Variants in SRRT observed in about 807,000 individuals in gnomAD.
SRRT encodes serrate RNA effector molecule homolog.
A neutral mutation model predicts 103.2 loss-of-function variants in SRRT; 32 were observed. The ratio of observed to expected loss-of-function variants is 0.31; its 90% CI spans 0.23 to 0.42. The LOEUF (loss-of-function observed/expected upper bound fraction) is 0.42. Among genes scored for constraint, SRRT ranks in the 10% least tolerant of loss-of-function variants. The pLI is 1.00. For missense variants in SRRT, 986 were observed against 1,207.5 expected (o/e 0.82, Z 2.72); for synonymous variants, 525 against 449.0 (o/e 1.17, Z -2.14).
intron 2 of SRRT, chr7:100,880,787 A>G: frequency 2.7e-6 from 1 of 363,894 alleles, no homozygotes. Context: ...GGCCTGTAGC[A>G]GGGGTGATTC....
chr7:100,884,566 G>C lies in SRRT; in HGVS notation c.942+14G>C, dbSNP rs765811537. 12 of 1,452,824 alleles carry C rather than the reference G, an allele frequency of 8.3e-6. No individual in the cohort carries two copies. In the East Asian group the frequency reaches 1.3e-4, roughly 16 times the overall value. The allele number at this position is 1,452,824 out of a possible 1,614,324, so 90.0% of individuals were successfully genotyped here. A position where few individuals can be genotyped will look rare whatever the true frequency, so the allele number is the denominator to read the frequency against. On this transcript the variant is annotated intron_variant, in intron 7 of 19. Coordinates refer to ENST00000611405, the MANE Select transcript of SRRT (RefSeq NM_015908.6). ...GACGGCAAGCAGGTCCGAGCCCTGG[G>C]TCTCCTAGTGTTGTCCCTGGCAGCC...
chr7:100,886,156 G>A, intron 12 of SRRT, 91 bp from the exon 13 acceptor site: 1 of 1,442,322 alleles, frequency 6.9e-7, no homozygotes, highest in Non-Finnish European at 9.4e-7. Context: ...CTGATCAATC[G>A]CTGGTGCTCA....
chr7:100,875,316 C>A lies in SRRT; in HGVS notation c.-31C>A, dbSNP rs570420687. On this transcript the variant is annotated 5_prime_UTR_variant, in exon 1 of 20. Coordinates refer to ENST00000611405, the MANE Select transcript of SRRT (RefSeq NM_015908.6). ...CGTCCGAGCGCGAGTCCAACGGCCG[C>A]GGCCGCACCAAGGTGGGGGAGGGGA... 5.2e-6 allele frequency: 6 copies of A among 1,145,498 alleles called. No homozygotes were observed. The highest frequency in any genetic ancestry group is 4.4e-6 in the Non-Finnish European group (4 of 901,484). The allele number at this position is 1,145,498 out of a possible 1,614,324, so 71.0% of individuals were successfully genotyped here. A position where few individuals can be genotyped will look rare whatever the true frequency, so the allele number is the denominator to read the frequency against.
Position 100,881,319 on chromosome 7 carries a change from G to A in SRRT, c.157G>A (p.Gly53Ser), listed in dbSNP as rs758048109. 2 of 1,613,486 alleles carry A rather than the reference G, an allele frequency of 1.2e-6. No homozygotes were observed. The highest frequency in any genetic ancestry group is 1.7e-6 in the Non-Finnish European group (2 of 1,179,760). ...CCGTGGCCGTGAGCGCCGTAGTCGG[G>A]GTGAATATCGGGACTATGACCGGAA... ...WDRGRERRSR[G>S]EYRDYDRNRR... is the part of the protein sequence containing the mutation. Residue 53 changes from glycine to serine, a missense_variant, in exon 3 of 20, where the codon GGT becomes AGT. Gly to Ser is a moderately conservative substitution (Grantham distance 56). Transcript: ENST00000611405.
rs775693046 is a variant in SRRT at position 100,886,418 on chromosome 7, A to G, written c.1630A>G (p.Thr544Ala). 6.8e-6 allele frequency: 11 copies of G among 1,612,552 alleles called. No individual in the cohort carries two copies. The highest frequency in any genetic ancestry group is 8.5e-7 in the Non-Finnish European group (1 of 1,179,776). ...RTQLWASEPG[T>A]PPLPTSLPSQ... ...ACAGCTTTGGGCCTCAGAACCAGGG[A>G]CGCCTCCCCTGCCCACGGTCAGTGA... is the stretch of plus-strand genomic sequence containing the variant. Residue 544 changes from threonine to alanine, a missense_variant, in exon 13 of 20, where the codon ACG becomes GCG. Thr to Ala is a moderately conservative substitution (Grantham distance 58). This residue lies in a region of SRRT where 349 missense variants were observed against 446.9 expected (regional missense o/e 0.78). Coordinates refer to ENST00000611405, the MANE Select transcript of SRRT (RefSeq NM_015908.6).
At position 100,881,588 on chromosome 7, in the gene SRRT, G is replaced by A. The variant is rs568379381; in HGVS notation, c.252-71G>A. 7.9e-5 allele frequency: 126 copies of A among 1,601,828 alleles called. 2 individuals are homozygous for A. The highest frequency in any genetic ancestry group is 7.5e-4 in the African/African-American group (56 of 74,726). Reference sequence around the variant, plus strand: ...GGGAGACCATGCTGTGTGTACCCCCGTCTGTCCATCCTCCATGCTCTGGGG... The same window carrying A: ...GGGAGACCATGCTGTGTGTACCCCCATCTGTCCATCCTCCATGCTCTGGGG... On this transcript the variant is annotated intron_variant, in intron 3 of 19. Coordinates refer to ENST00000611405, the MANE Select transcript of SRRT (RefSeq NM_015908.6).
intron 2 of SRRT, among the ~76,000 whole-genome samples, chr7:100,878,854 A>G (rs1489664861): frequency 6.6e-6 from 1 of 152,190 alleles, no homozygotes; most frequent in Non-Finnish European, 1.5e-5. Flanking sequence ...GGTGTATGCC[A>G]TCACACCCAG....
At position 100,878,449 on chromosome 7, in the gene SRRT, C is replaced by A. The variant is rs113619448; in HGVS notation, c.122+2737C>A. On this transcript the variant is annotated intron_variant, in intron 2 of 19. Transcript: ENST00000611405. ...TTTTGATATTGGGTGAGACATAATC[C>A]AGGTCCATTGAAAGGGAAAGATAGA... Among the ~76,000 whole-genome samples the A allele has an allele frequency of 1.7e-3, 257 of 152,188 alleles. 1 individual carries two copies. Among genetic ancestry groups the A allele is most frequent in the African/African-American group, 6.0e-3 (249 of 41,532 alleles).
At position 100,884,790 on chromosome 7, in the gene SRRT, T is replaced by C. The variant is rs752948333; in HGVS notation, c.993T>C (p.Asp331=). The C allele has an allele frequency of 1.2e-6, 2 of 1,613,362 alleles. No individual in the cohort carries two copies. The highest frequency in any genetic ancestry group is 1.7e-5 in the Admixed American group (1 of 59,956). ...ACAAAACAAAGAAGTCGGAGGGTGATGGGGACAAGGAAGAGAAGAAAGAAG... is the reference window on the plus strand; with the variant it reads ...ACAAAACAAAGAAGTCGGAGGGTGACGGGGACAAGGAAGAGAAGAAAGAAG... The part of the protein sequence containing the change: ...NDDKTKKSEG[D]GDKEEKKEDS... Residue 331 remains aspartate (D), a synonymous_variant, in exon 8 of 20, where the codon GAT becomes GAC. Coordinates refer to ENST00000611405, the MANE Select transcript of SRRT (RefSeq NM_015908.6).
Position 100,885,754 on chromosome 7 carries a change from A to G in SRRT, c.1371A>G (p.Pro457=). 6.2e-7 allele frequency: 1 copy of G among 1,614,176 alleles called. No individual in the cohort carries two copies. Among genetic ancestry groups the G allele is most frequent in the South Asian group, 1.1e-5 (1 of 91,076 alleles). Residue 457 remains proline (P), a synonymous_variant, in exon 11 of 20, where the codon CCA becomes CCG. Transcript: ENST00000611405. This position sits in a 1 kb window ranked among gnomAD's most constrained non-coding sequence, Gnocchi z 4.8. ...FMRVALSEPQ[P]ERRFFRRGWV... ...GGGTGGCGCTCTCAGAGCCCCAGCCAGAGAGGAGGTGAGTAACTCGGTGCG... is the reference window on the plus strand; with the variant it reads ...GGGTGGCGCTCTCAGAGCCCCAGCCGGAGAGGAGGTGAGTAACTCGGTGCG...
chr7:100,878,218 G>A (rs935472637), intron 2 of SRRT, among the ~76,000 whole-genome samples: 3 of 152,044 alleles, frequency 2.0e-5, no homozygotes, highest in Admixed American at 1.3e-4. Context: ...AGGCTGAGGC[G>A]GGAGGATGGC....
At chr7:100,886,660 A>G in intron 13 of SRRT, 135 bp from the exon 14 acceptor site, 2 of 1,100,226 alleles carry the variant, frequency 1.8e-6, no homozygotes, top group South Asian at 1.4e-5. Flanking sequence ...ATAAAGACAA[A>G]TCTCAAGGGG....
In SRRT at chr7:100,888,315, T is replaced by C. The variant is rs748979312; in HGVS notation, c.2487T>C (p.Tyr829=). The change falls in exon 19 of 20, where the codon TAT becomes TAC. Residue 829 remains tyrosine, a synonymous_variant. Coordinates refer to ENST00000611405, the MANE Select transcript of SRRT (RefSeq NM_015908.6). ...TGGPPYPHAP[Y]GAGRGNYDAF... ...GCCCTCCATACCCCCATGCCCCGTATGGTGCTGGTCGAGGGAACTATGATG... is the reference window on the plus strand; with the variant it reads ...GCCCTCCATACCCCCATGCCCCGTACGGTGCTGGTCGAGGGAACTATGATG... 1 of 1,614,110 alleles carries C rather than the reference T, an allele frequency of 6.2e-7. No individual in the cohort carries two copies. Among genetic ancestry groups the C allele is most frequent in the Non-Finnish European group, 8.5e-7 (1 of 1,179,976 alleles).
In SRRT at chr7:100,884,459, C is replaced by T. The variant is rs761757230; in HGVS notation, c.849C>T (p.Pro283=). ...AGCAGGCAGGAAAGCCTGGGGAGCCCAGCAAGAAAGAAGAAGGACGGGCTG... is the reference window on the plus strand; with the variant it reads ...AGCAGGCAGGAAAGCCTGGGGAGCCTAGCAAGAAAGAAGAAGGACGGGCTG... ...EEEQAGKPGE[P]SKKEEGRAGA... Residue 283 remains proline, a synonymous_variant, in exon 7 of 20, where the codon CCC becomes CCT. Coordinates refer to ENST00000611405, the MANE Select transcript of SRRT (RefSeq NM_015908.6). 1.9e-6 allele frequency: 3 copies of T among 1,613,830 alleles called. No homozygotes were observed. In the South Asian group the frequency reaches 3.3e-5, roughly 18 times the overall value.
intron 2 of SRRT, chr7:100,880,679 T>G (rs971937777): frequency 5.9e-5 from 25 of 424,216 alleles, no homozygotes; most frequent in Middle Eastern, 3.4e-4. Flanking sequence ...TTAAAAAGTT[T>G]TCTGTTTTAT....
rs757581171 is a variant in SRRT, at chr7:100,887,676, C to G, written c.2170-27C>G. On this transcript the variant is annotated intron_variant, in intron 16 of 19. Transcript: ENST00000611405. The surrounding 1 kb of genome is among the most constrained non-coding windows in gnomAD (Gnocchi z 4.1). ...AGCGAGGCAACCCTTATGTGGCTGT[C>G]CTGACCCCTCTCCTCTCTCCACCCA... 1 of 1,599,034 alleles carries G rather than the reference C, an allele frequency of 6.3e-7. No homozygotes were observed. Among genetic ancestry groups the G allele is most frequent in the Non-Finnish European group, 8.6e-7 (1 of 1,168,354 alleles).
rs1366436084 is a variant in SRRT, at chr7:100,885,073, T to C, written c.1159+33T>C. 2 of 1,612,480 alleles carry C rather than the reference T, an allele frequency of 1.2e-6. No individual in the cohort carries two copies. The highest frequency in any genetic ancestry group is 3.3e-5 in the Admixed American group (2 of 59,978). The stretch of plus-strand genomic sequence containing the variant: ...TTCTTTTCTGCTTTAAAGTGCGTTC[T>C]CCTAATGCGGGTGGGGAGGTGAGAG... On this transcript the variant is annotated intron_variant, in intron 9 of 19. Transcript: ENST00000611405. The surrounding 1 kb of genome is among the most constrained non-coding windows in gnomAD (Gnocchi z 4.8).
chr7:100,884,520 GA>G lies in SRRT; in HGVS notation c.911del (p.Asp304AlafsTer164). 6.4e-7 allele frequency: 1 copy of G among 1,573,082 alleles called. No individual in the cohort carries two copies. The highest frequency in any genetic ancestry group is 8.7e-7 in the Non-Finnish European group (1 of 1,155,484). ...GLGDGERKTN[D>X]KDEKKEDGKQ... is the part of the protein sequence containing the mutation. ...AGGGGACGGGGAGCGCAAAACCAAC[GA>G]CAAGGATGAGAAGAAGGAAGACGGC... On this transcript the variant is annotated frameshift_variant, in exon 7 of 20. Transcript: ENST00000611405. LOFTEE classifies it high-confidence loss of function.
At chr7:100,880,146 C>T (rs116361111) in intron 2 of SRRT, among the ~76,000 whole-genome samples, 328 of 152,256 alleles carry the variant, frequency 2.2e-3, no homozygotes, top group African/African-American at 7.5e-3. Context: ...CTTTGATAGG[C>T]TTTGAGGCAG....
Sources: gnomAD v4.1 joint callset for allele counts (sites outside exome capture counted in the v4.1 genomes callset) on GRCh38, gnomAD v4.1.1 for gene constraint, gnomAD v4.1.1 regional missense constraint, Gnocchi (gnomAD v3.1) non-coding constraint, MANE v1.5 for transcripts, NCBI Gene and HGNC (gene_info 2026-07-23, HGNC 2026-07-21) for gene names.